Variants in SYMPK observed in about 807,000 individuals in gnomAD.
SYMPK encodes symplekin.
A neutral mutation model predicts 136.4 loss-of-function variants in SYMPK; 49 were observed. The observed-to-expected ratio is 0.36, with a 90% confidence interval of 0.29 to 0.46. SYMPK has a LOEUF of 0.46. SYMPK is among the 20% of genes least tolerant of loss of function. SYMPK has a pLI of 1.00. For synonymous variants in SYMPK, 766 were observed against 713.0 expected (o/e 1.07, Z -1.19); for missense variants, 1,365 against 1,690.0 (o/e 0.81, Z 3.37).
rs927479027 is a variant in SYMPK, at chr19:45,842,240, C to A, written c.1087+10G>T. 7 of 1,613,912 alleles carry A rather than the reference C, an allele frequency of 4.3e-6. No individual in the cohort carries two copies. Among genetic ancestry groups the A allele is most frequent in the Non-Finnish European group, 5.9e-6 (7 of 1,179,816 alleles). On this transcript the variant is annotated intron_variant, in intron 9 of 26. Coordinates refer to ENST00000245934, the MANE Select transcript of SYMPK (RefSeq NM_004819.3). ...TGGTCTGCCTGCCCCACCCCACCAGCCCCTCTCACCCAGCTTCATCTTCTT... is the reference window on the plus strand; with the variant it reads ...TGGTCTGCCTGCCCCACCCCACCAGACCCTCTCACCCAGCTTCATCTTCTT...
intron 11 of SYMPK, 110 bp downstream of exon 11, chr19:45,834,968 G>A: frequency 9.4e-7 from 1 of 1,062,676 alleles, no homozygotes; most frequent in South Asian, 2.0e-5. Context: ...CTACACCTTA[G>A]CTCCCACATG....
intron 5 of SYMPK, among the ~76,000 whole-genome samples, chr19:45,851,286 CTGA>C (rs914977032): frequency 6.6e-6 from 1 of 152,140 alleles, no homozygotes; most frequent in African/African-American, 2.4e-5. Context: ...TTTAAAATAG[CTGA>C]TTTTTGCTGG....
intron 14 of SYMPK, 31 bp from the exon 15 acceptor site, chr19:45,827,949 C>T: frequency 6.2e-7 from 1 of 1,610,398 alleles, no homozygotes; most frequent in Non-Finnish European, 8.5e-7. Context: ...GCCATGGCTG[C>T]AGAGGAAGAG....
At chr19:45,841,204 G>A (rs987255312) in intron 9 of SYMPK, among the ~76,000 whole-genome samples, 2 of 151,656 alleles carry the variant, frequency 1.3e-5, no homozygotes, top group African/African-American at 2.4e-5. Flanking sequence ...GGCTAATTTC[G>A]AACTCCTGAC....
chr19:45,827,537 G>A lies in SYMPK; in HGVS notation c.2154C>T (p.Leu718=), dbSNP rs189256616. The A allele has an allele frequency of 1.5e-4, 241 of 1,614,066 alleles. No individual in the cohort carries two copies. The highest frequency in any genetic ancestry group is 6.3e-4 in the South Asian group (57 of 91,076). The change falls in exon 16 of 27, where the codon CTC becomes CTT. Residue 718 remains leucine, a synonymous_variant. Transcript: ENST00000245934. ...SRQFQYLHVL[L]DLSSHEKDKV... The stretch of plus-strand genomic sequence containing the variant: ...TGTCCTTCTCATGGGAGCTGAGGTC[G>A]AGGAGGACATGCAGGTACTGGAACT...
chr19:45,845,182 G>A (rs886906995), intron 7 of SYMPK, among the ~76,000 whole-genome samples: 10 of 150,412 alleles, frequency 6.6e-5, no homozygotes, highest in African/African-American at 2.0e-4. Context: ...GCGTGATCTC[G>A]GCTCACTGCA....
chr19:45,815,804 G>C (rs748269342), intron 26 of SYMPK, 47 bp downstream of exon 26: 1 of 1,591,748 alleles, frequency 6.3e-7, no homozygotes, highest in Non-Finnish European at 8.6e-7. Context: ...CCTTCACCCC[G>C]GCCCAGATCC....
At chr19:45,854,043 TGCACTGAGCACTGTGGCCG>T in intron 3 of SYMPK, 113 bp downstream of exon 3, 1 of 838,554 alleles carries the variant, frequency 1.2e-6, no homozygotes, top group South Asian at 1.5e-5. Context: ...AGCAGAGGCC[TGCACTGAGCACTGTGGCCG>T]GCACACACTG....
chr19:45,823,134 G>A (rs761384658), intron 20 of SYMPK, among the ~76,000 whole-genome samples: 16 of 152,232 alleles, frequency 1.1e-4, no homozygotes, highest in Non-Finnish European at 2.1e-4. Context: ...TGAGGTAGAG[G>A]AGGAAGCAGC....
chr19:45,823,092 A>G (rs1970946045), intron 20 of SYMPK, among the ~76,000 whole-genome samples: 1 of 152,208 alleles, frequency 6.6e-6, no homozygotes, highest in Non-Finnish European at 1.5e-5. Context: ...CAGAGGAGAA[A>G]AGCGAGTCTC....
chr19:45,851,587 A>C (rs10412666), intron 5 of SYMPK, among the ~76,000 whole-genome samples: 2,863 of 151,582 alleles, frequency 0.019, 87 homozygotes, highest in African/African-American at 0.064. Flanking sequence ...CAAAAAAAAA[A>C]AAAAGGCCAG....
chr19:45,831,034 G>A (rs947218917), intron 12 of SYMPK: 8 of 185,958 alleles, frequency 4.3e-5, no homozygotes, highest in Non-Finnish European at 6.6e-5. Flanking sequence ...CACGCGAAAT[G>A]CTTGACAATC....
At chr19:45,826,921 C>G (rs982599017) in intron 16 of SYMPK, among the ~76,000 whole-genome samples, 2 of 152,218 alleles carry the variant, frequency 1.3e-5, no homozygotes, top group Non-Finnish European at 2.9e-5. Context: ...TCAACCACAG[C>G]ACGTGCACAT....
intron 1 of SYMPK, among the ~76,000 whole-genome samples, chr19:45,861,219 A>G (rs1315319621): frequency 7.9e-5 from 12 of 152,096 alleles, no homozygotes; most frequent in Admixed American, 7.9e-4. Context: ...AAAACCCCAT[A>G]ATAAACATTT....
At chr19:45,833,018 C>CAA (rs11392482) in intron 11 of SYMPK, among the ~76,000 whole-genome samples, 1,253 of 124,906 alleles carry the variant, frequency 0.01, 14 homozygotes, top group Non-Finnish European at 0.014. Flanking sequence ...GACTCCATCT[C>CAA]AAAAAAAAAA....
Sources: allele counts gnomAD v4.1 joint callset (sites outside exome capture counted in the v4.1 genomes callset), GRCh38; gene constraint gnomAD v4.1.1; transcripts MANE v1.5; gene names NCBI Gene and HGNC (gene_info 2026-07-23, HGNC 2026-07-21).